MYO1G: variants seen among roughly 807,000 people sequenced by gnomAD.
MYO1G encodes myosin IG.
A neutral mutation model predicts 115.3 loss-of-function variants in MYO1G; 65 were observed. The ratio of observed to expected loss-of-function variants is 0.56; its 90% CI spans 0.46 to 0.69. The LOEUF (loss-of-function observed/expected upper bound fraction) is 0.69. Ranked by LOEUF, MYO1G falls within the 30% of genes least tolerant of loss-of-function variation. The pLI is 0.00. For missense variants in MYO1G, 1,204 were observed against 1,393.5 expected (o/e 0.86, Z 2.16); for synonymous variants, 510 against 552.6 (o/e 0.92, Z 1.08).
At position 44,969,636 on chromosome 7, in the gene MYO1G, G is replaced by T; in HGVS notation, c.1503+69C>A. 1.3e-6 allele frequency: 2 copies of T among 1,589,608 alleles called. No individual in the cohort carries two copies. The highest frequency in any genetic ancestry group is 1.7e-6 in the Non-Finnish European group (2 of 1,163,834). On this transcript the variant is annotated intron_variant, in intron 11 of 21. Transcript: ENST00000258787. This position sits in a 1 kb window ranked among gnomAD's most constrained non-coding sequence, Gnocchi z 5.0. ...TCCCCAACCAGGCCCCACGAGGCAT[G>T]GGCAGCATGGTGCCTGTGGGGCAGG... is the stretch of plus-strand genomic sequence containing the variant.
In MYO1G at chr7:44,966,088, C is replaced by T. The variant is rs1262355540; in HGVS notation, c.2142G>A (p.Val714=). 1 of 1,612,676 alleles carries T rather than the reference C, an allele frequency of 6.2e-7. No individual in the cohort carries two copies. ...CCCACCTCACCTTCTGCAATAGCAG[C>T]ACAATGATGGGGATGAGGCGGGCTC... ...QSRARLIPII[V]LLLQKAWRGT... The change falls in exon 16 of 22, where the codon GTG becomes GTA. Residue 714 remains valine (V), a synonymous_variant. Transcript: ENST00000258787. This position sits in a 1 kb window ranked among gnomAD's most constrained non-coding sequence, Gnocchi z 5.0.
Position 44,963,825 on chromosome 7 carries a change from G to C in MYO1G, c.2745+224C>G. 1.8e-6 allele frequency: 1 copy of C among 555,252 alleles called. No individual in the cohort carries two copies. The highest frequency in any genetic ancestry group is 2.2e-5 in the South Asian group (1 of 46,374). 34.4% of individuals were successfully genotyped at this position (555,252 alleles called of 1,614,324 possible). Reference sequence around the variant, plus strand: ...GCTTGGCTAGAGTGTGAGAGTGGGGGTGGGGGGTGACTGGGCTGGTGGGGA... The same window carrying C: ...GCTTGGCTAGAGTGTGAGAGTGGGGCTGGGGGGTGACTGGGCTGGTGGGGA... On this transcript the variant is annotated intron_variant, in intron 20 of 21. Transcript: ENST00000258787. This position sits in a 1 kb window ranked among gnomAD's most constrained non-coding sequence, Gnocchi z 4.1.
rs528122341 is a variant in MYO1G at position 44,966,957 on chromosome 7, GA to G, written c.1783-120del. On this transcript the variant is annotated intron_variant, in intron 14 of 21. Coordinates refer to ENST00000258787, the MANE Select transcript of MYO1G (RefSeq NM_033054.3). This position sits in a 1 kb window ranked among gnomAD's most constrained non-coding sequence, Gnocchi z 5.0. The stretch of plus-strand genomic sequence containing the variant: ...GGCCAGGAGAAGAGTTGGGAACAAA[GA>G]AGGGAAATCAGCAGAACAAGGGCCC... 2,323 of 1,164,934 alleles carry G rather than the reference GA, an allele frequency of 2.0e-3. 8 individuals carry two copies. Among genetic ancestry groups the G allele is most frequent in the South Asian group, 5.0e-3 (334 of 67,378 alleles). 72.2% of individuals were successfully genotyped at this position (1,164,934 alleles called of 1,614,324 possible).
At chr7:44,965,351 A>G (rs553542696) in intron 17 of MYO1G, among the ~76,000 whole-genome samples, 1 of 152,160 alleles carries the variant, frequency 6.6e-6, no homozygotes, top group East Asian at 1.9e-4. Flanking sequence ...CTCAGCCCTC[A>G]AGACCCCGCT....
chr7:44,975,412 G>T, intron 4 of MYO1G, 72 bp downstream of exon 4: 1 of 1,564,626 alleles, frequency 6.4e-7, no homozygotes, highest in Non-Finnish European at 8.7e-7. Flanking sequence ...CGTCGGGATG[G>T]GTACCTTCCC....
Position 44,970,167 on chromosome 7 carries a change from T to A in MYO1G, c.1218-13A>T. 1.9e-6 allele frequency: 3 copies of A among 1,591,122 alleles called. No individual in the cohort carries two copies. Among genetic ancestry groups the A allele is most frequent in the Non-Finnish European group, 2.6e-6 (3 of 1,160,228 alleles). The stretch of plus-strand genomic sequence containing the variant: ...GAACTGCTCGAAACTGGGGGTGGGG[T>A]GGGCCTTTCAGAGGGGAGGTCGCTG... On this transcript the variant is annotated splice_polypyrimidine_tract_variant and intron_variant, in intron 9 of 21. Transcript: ENST00000258787.
intron 5 of MYO1G, chr7:44,974,373 G>C (rs1229640146): frequency 6.6e-6 from 1 of 152,076 alleles, no homozygotes; most frequent in Admixed American, 6.6e-5. Context: ...CCTCAGTAAA[G>C]AGCTCAGAAT....
Position 44,966,357 on chromosome 7 carries a change from T to G in MYO1G, c.1950-77A>C, listed in dbSNP as rs530723086. ...GAGCCCACCCTGCCCACCCCACACC[T>G]GGGGAGATGGCAGGGATACAGAGTG... On this transcript the variant is annotated intron_variant, in intron 15 of 21. Transcript: ENST00000258787. The surrounding 1 kb of genome is among the most constrained non-coding windows in gnomAD (Gnocchi z 5.0). 346 of 1,287,870 alleles carry G rather than the reference T, an allele frequency of 2.7e-4. 6 individuals carry two copies. In the South Asian group the frequency reaches 4.4e-3, roughly 16 times the overall value. The allele number at this position is 1,287,870 out of a possible 1,614,324, so 79.8% of individuals were successfully genotyped here. A position where few individuals can be genotyped will look rare whatever the true frequency, so the allele number is the denominator to read the frequency against.
Position 44,962,676 on chromosome 7 carries a change from G to A in MYO1G, c.*63C>T. 1 of 1,432,084 alleles carries A rather than the reference G, an allele frequency of 7.0e-7. No homozygotes were observed. The allele number at this position is 1,432,084 out of a possible 1,614,324, so 88.7% of individuals were successfully genotyped here. A position where few individuals can be genotyped will look rare whatever the true frequency, so the allele number is the denominator to read the frequency against. ...GCGAGCAGGAGGGCTGACTCAGAAG[G>A]TTTATTTGCAGCGCTGGCGGGGCGG... On this transcript the variant is annotated 3_prime_UTR_variant, in exon 22 of 22. Coordinates refer to ENST00000258787, the MANE Select transcript of MYO1G (RefSeq NM_033054.3). This position sits in a 1 kb window ranked among gnomAD's most constrained non-coding sequence, Gnocchi z 5.3.
rs769233812 is a variant in MYO1G, at chr7:44,966,250, G to A, written c.1980C>T (p.Pro660=). The A allele has an allele frequency of 1.9e-6, 3 of 1,610,588 alleles. No homozygotes were observed. The highest frequency in any genetic ancestry group is 1.7e-6 in the Non-Finnish European group (2 of 1,179,076). ...RYKMTCEYTW[P]NHLLGSDKAA... is the part of the protein sequence containing the mutation. Reference sequence around the variant, plus strand: ...CCTTGTCGGAGCCCAGCAGGTGGTTGGGCCATGTGTATTCACAGGTCATCT... The same window carrying A: ...CCTTGTCGGAGCCCAGCAGGTGGTTAGGCCATGTGTATTCACAGGTCATCT... Residue 660 remains proline (P), a synonymous_variant, in exon 16 of 22, where the codon CCC becomes CCT. Transcript: ENST00000258787. This position sits in a 1 kb window ranked among gnomAD's most constrained non-coding sequence, Gnocchi z 5.0.
chr7:44,967,998 G>A, intron 12 of MYO1G, 40 bp from the exon 13 acceptor site: 3 of 1,582,210 alleles, frequency 1.9e-6, no homozygotes, highest in Admixed American at 1.7e-5. Context: ...AGGGGCGGGG[G>A]CTGCCAGGCC....
Position 44,969,938 on chromosome 7 carries a change from C to A in MYO1G, c.1333-63G>T, listed in dbSNP as rs541401792. ...CTTTCAGGCCACCTCCCCTCCTCCGCCCCACACTCAGCCACCTGTCAGGCC... is the reference window on the plus strand; with the variant it reads ...CTTTCAGGCCACCTCCCCTCCTCCGACCCACACTCAGCCACCTGTCAGGCC... On this transcript the variant is annotated intron_variant, in intron 10 of 21. Transcript: ENST00000258787. The surrounding 1 kb of genome is among the most constrained non-coding windows in gnomAD (Gnocchi z 5.0). 6.3e-7 allele frequency: 1 copy of A among 1,587,032 alleles called. No individual in the cohort carries two copies.
chr7:44,975,019 G>T, intron 5 of MYO1G, 155 bp downstream of exon 5: 1 of 763,464 alleles, frequency 1.3e-6, no homozygotes, highest in South Asian at 1.5e-5. Flanking sequence ...TGGTTGGGGT[G>T]AGTGTGGTGG....
chr7:44,978,062 C>T (rs1304667230), intron 1 of MYO1G, among the ~76,000 whole-genome samples: 2 of 152,274 alleles, frequency 1.3e-5, no homozygotes, highest in African/African-American at 2.4e-5. Flanking sequence ...GGCTAGCCCT[C>T]CTCTTTGAGC....
chr7:44,971,161 G>T (rs1794951813), intron 7 of MYO1G, 102 bp from the exon 8 acceptor site: 1 of 991,492 alleles, frequency 1.0e-6, no homozygotes, highest in Admixed American at 2.2e-5. Flanking sequence ...CATGGATGCG[G>T]TAGAGTACAG....
At chr7:44,974,876 G>C (rs545932657) in intron 5 of MYO1G, 13 of 471,762 alleles carry the variant, frequency 2.8e-5, no homozygotes, top group Non-Finnish European at 4.7e-5. Context: ...AGCCCACCTC[G>C]TGGGGAGCTT....
In MYO1G at chr7:44,969,711, G is replaced by C. The variant is rs1477892136; in HGVS notation, c.1497C>G (p.Ser499Arg). 1.9e-6 allele frequency: 3 copies of C among 1,611,320 alleles called. No homozygotes were observed. The highest frequency in any genetic ancestry group is 2.2e-5 in the South Asian group (2 of 90,996). ...CTGGGACAGCCGGGGGCACCTGGCG[G>C]CTGGTGTAGTGTAGGTGATGGCGGT... ...MHHRHHLHYTSRQLCPTDKTM... is the reference protein window; with the variant it reads ...MHHRHHLHYTRRQLCPTDKTM... Residue 499 changes from serine to arginine, a missense_variant, in exon 11 of 22, where the codon AGC becomes AGG. Ser to Arg is a moderately radical substitution (Grantham distance 110). Transcript: ENST00000258787. The surrounding 1 kb of genome is among the most constrained non-coding windows in gnomAD (Gnocchi z 5.0).
intron 12 of MYO1G, 152 bp from the exon 13 acceptor site, chr7:44,968,110 C>T (rs546021299): frequency 7.9e-6 from 5 of 635,666 alleles, no homozygotes; most frequent in Middle Eastern, 5.9e-4. Context: ...TCTCCTCCTT[C>T]CCCCTCACAC....
Position 44,970,099 on chromosome 7 carries a change from G to A in MYO1G, c.1273C>T (p.Gln425Ter). The A allele has an allele frequency of 6.2e-7, 1 of 1,614,068 alleles. No individual in the cohort carries two copies. The highest frequency in any genetic ancestry group is 8.5e-7 in the Non-Finnish European group (1 of 1,180,012). Residue 425 changes from glutamine to a stop codon, truncating the protein, a stop_gained, in exon 10 of 22, where the codon CAG becomes TAG. Coordinates refer to ENST00000258787, the MANE Select transcript of MYO1G (RefSeq NM_033054.3). LOFTEE classifies it high-confidence loss of function. Reference protein sequence around the residue: ...CNEKLQQLFIQLILKQEQEEY... With the variant: ...CNEKLQQLFI ...TCCTGTTCCTGCTTCAGGATGAGCTGGATGAATAGCTGCTGCAGCTTCTCG... is the reference window on the plus strand; with the variant it reads ...TCCTGTTCCTGCTTCAGGATGAGCTAGATGAATAGCTGCTGCAGCTTCTCG...
Sources: allele counts gnomAD v4.1 joint callset (sites outside exome capture counted in the v4.1 genomes callset), GRCh38; gene constraint gnomAD v4.1.1; non-coding constraint Gnocchi (gnomAD v3.1); transcripts MANE v1.5; gene names NCBI Gene and HGNC (gene_info 2026-07-23, HGNC 2026-07-21).